PTPRA: variants seen among roughly 807,000 people sequenced by gnomAD.
The protein encoded by PTPRA is receptor-type tyrosine-protein phosphatase alpha.
Under a neutral mutation model 104.8 loss-of-function variants are expected in PTPRA, and 25 were observed. The ratio of observed to expected loss-of-function variants is 0.24; its 90% confidence interval spans 0.17 to 0.33. The LOEUF is 0.33. Ranked by LOEUF, PTPRA falls within the 10% of genes least tolerant of loss-of-function variation. The pLI is 1.00. For synonymous variants in PTPRA, 323 were observed against 368.9 expected (o/e 0.88, Z 1.43); for missense variants, 765 against 1,015.3 (o/e 0.75, Z 3.35).
chr20:3,004,684 G>A (rs1235175810), intron 9 of PTPRA, among the ~76,000 whole-genome samples: 1 of 152,240 alleles, frequency 6.6e-6, no homozygotes, highest in East Asian at 1.9e-4. Context: ...GTGGTAATTA[G>A]CATGAGGATA....
intron 11 of PTPRA, among the ~76,000 whole-genome samples, chr20:3,011,425 C>A (rs2064164046): frequency 6.6e-6 from 1 of 152,192 alleles, no homozygotes; most frequent in Admixed American, 6.5e-5. Context: ...TAGGTTGTTT[C>A]CTGTAATGTG....
chr20:2,960,392 G>A (rs1454824226), intron 3 of PTPRA, among the ~76,000 whole-genome samples: 1 of 151,668 alleles, frequency 6.6e-6, no homozygotes, highest in Admixed American at 6.6e-5. Flanking sequence ...TGGGACTACA[G>A]GTGCCCGCCA....
intron 1 of PTPRA, among the ~76,000 whole-genome samples, chr20:2,900,871 A>G (rs1361478776): frequency 3.3e-5 from 5 of 151,784 alleles, no homozygotes; most frequent in African/African-American, 7.3e-5. Context: ...AAAAAAAAAA[A>G]ATAGCTTCTC....
At chr20:2,970,900 ACTTGTCCC>A (rs2062158218) in intron 5 of PTPRA, among the ~76,000 whole-genome samples, 1 of 152,010 alleles carries the variant, frequency 6.6e-6, no homozygotes, top group African/African-American at 2.4e-5. Context: ...CAAATATCTA[ACTTGTCCC>A]AATACCCCTT....
intron 3 of PTPRA, among the ~76,000 whole-genome samples, chr20:2,955,409 G>C (rs535476777): frequency 2.0e-5 from 3 of 152,310 alleles, no homozygotes. Flanking sequence ...CTTAGAAGCA[G>C]TAGAAGTTAA....
chr20:2,900,999 T>C (rs2059212203), intron 1 of PTPRA, among the ~76,000 whole-genome samples: 1 of 151,982 alleles, frequency 6.6e-6, no homozygotes, highest in Non-Finnish European at 1.5e-5. Flanking sequence ...TGAGATGGAG[T>C]CTTGCTCTGT....
chr20:2,910,077 GTATAGTATATATGATATATAACATA>G (rs2059611928), intron 1 of PTPRA, among the ~76,000 whole-genome samples: 1 of 116,868 alleles, frequency 8.6e-6, no homozygotes, highest in African/African-American at 3.4e-5. Context: ...TATATATGAT[GTATAGTATATATGATATATAACATA>G]TATATAATAT....
At chr20:3,008,490 G>GT in intron 11 of PTPRA, among the ~76,000 whole-genome samples, 1 of 152,054 alleles carries the variant, frequency 6.6e-6, no homozygotes, top group East Asian at 1.9e-4. Flanking sequence ...GGAATGAGGA[G>GT]TGGGTACAGA....
intron 13 of PTPRA, 24 bp from the exon 14 acceptor site, chr20:3,021,285 G>A (rs1461573474): frequency 6.2e-7 from 1 of 1,613,466 alleles, no homozygotes; most frequent in Admixed American, 1.7e-5. Flanking sequence ...TAAGGTCAGG[G>A]AATGTATGTC....
chr20:2,961,604 C>T (rs2147906866), intron 3 of PTPRA, among the ~76,000 whole-genome samples: 1 of 152,278 alleles, frequency 6.6e-6, no homozygotes, highest in Middle Eastern at 3.4e-3. Flanking sequence ...ACAGAGTAGA[C>T]ATTTTATATT....
chr20:2,955,033 CTA>C (rs2061487781), intron 3 of PTPRA, among the ~76,000 whole-genome samples: 1 of 152,150 alleles, frequency 6.6e-6, no homozygotes, highest in Non-Finnish European at 1.5e-5. Context: ...CTCCATTGAT[CTA>C]TGTGTCTATT....
chr20:2,948,889 T>C (rs898284872), intron 3 of PTPRA, among the ~76,000 whole-genome samples: 10 of 152,026 alleles, frequency 6.6e-5, no homozygotes, highest in African/African-American at 1.7e-4. Flanking sequence ...GAGGCGGAGC[T>C]TGCAGTGAGC....
At chr20:2,944,293 C>T (rs1439080024) in intron 2 of PTPRA, among the ~76,000 whole-genome samples, 3 of 152,108 alleles carry the variant, frequency 2.0e-5, no homozygotes, top group East Asian at 1.9e-4. Flanking sequence ...CCACCTGCCT[C>T]GGCCTCCCAA....
chr20:2,945,571 T>C (rs1350057122), intron 2 of PTPRA, among the ~76,000 whole-genome samples: 1 of 144,028 alleles, frequency 6.9e-6, no homozygotes, highest in Non-Finnish European at 1.5e-5. Flanking sequence ...GGAGCTTGAT[T>C]ATAATTGGCA....
chr20:2,898,464 T>G (rs539135104), intron 1 of PTPRA, among the ~76,000 whole-genome samples: 1 of 151,360 alleles, frequency 6.6e-6, no homozygotes, highest in East Asian at 2.0e-4. Flanking sequence ...TCCGCCCGCC[T>G]TGGCTTCCCA....
Position 2,988,444 on chromosome 20 carries a change from C to T in PTPRA, c.708C>T (p.Asp236=), listed in dbSNP as rs767557991. The T allele has an allele frequency of 1.8e-5, 29 of 1,612,870 alleles. 1 individual carries two copies. Among genetic ancestry groups the T allele is most frequent in the East Asian group, 8.9e-5 (4 of 44,864 alleles). ...LEEEINRRMA[D]DNKLFREEFN... ...AGGAAATTAACCGGAGAATGGCAGA[C>T]GACAATAAGCTCTTCAGGGAGGAAT... The change falls in exon 9 of 24, where the codon GAC becomes GAT. Residue 236 remains aspartate, a synonymous_variant. Transcript: ENST00000399903.
chr20:2,995,819 C>G (rs1330767196), intron 9 of PTPRA, among the ~76,000 whole-genome samples: 4 of 152,102 alleles, frequency 2.6e-5, no homozygotes, highest in Non-Finnish European at 5.9e-5. Context: ...TTGTTTTGTT[C>G]TCTAATATTG....
intron 4 of PTPRA, 81 bp downstream of exon 4, chr20:2,964,431 T>C: frequency 1.7e-6 from 2 of 1,189,190 alleles, no homozygotes; most frequent in Non-Finnish European, 2.4e-6. Flanking sequence ...AAAACCGAGA[T>C]GGTATTTGAA....
At chr20:3,008,737 A>C (rs1232178477) in intron 11 of PTPRA, among the ~76,000 whole-genome samples, 6 of 116,500 alleles carry the variant, frequency 5.2e-5, no homozygotes, top group Non-Finnish European at 8.1e-5. Context: ...CTAAAAAAAA[A>C]AAAAAAACAA....
Sources: gnomAD v4.1 joint callset for allele counts (sites outside exome capture counted in the v4.1 genomes callset) on GRCh38, gnomAD v4.1.1 for gene constraint, MANE v1.5 for transcripts, NCBI Gene and HGNC (gene_info 2026-07-23, HGNC 2026-07-21) for gene names.